The following MED13L variants were observed in gnomAD, a reference collection of about 807,000 sequenced individuals.
MED13L encodes the protein mediator of RNA polymerase II transcription subunit 13-like.
A neutral mutation model predicts 220.9 loss-of-function variants in MED13L; 7 were observed. The observed-to-expected ratio is 0.03, with a 90% CI of 0.02 to 0.06. MED13L has a LOEUF of 0.06. MED13L is among the 10% of genes least tolerant of loss of function. The pLI is 1.00. For synonymous variants in MED13L, 1,011 were observed against 1,015.2 expected, an observed-to-expected ratio of 1.00 and a Z score of 0.08; for missense variants, 1,965 against 2,760.5, an observed-to-expected ratio of 0.71 and a Z score of 6.46.
intron 2 of MED13L, among the ~76,000 whole-genome samples, chr12:116,206,161 A>ACCT (rs1348611239): frequency 7.4e-6 from 1 of 134,726 alleles, no homozygotes; most frequent in African/African-American, 2.9e-5. Context: ...GCTCACTGCG[A>ACCT]CCTCCTCCTC....
At chr12:116,212,433 T>C (rs1379773477) in intron 2 of MED13L, among the ~76,000 whole-genome samples, 10 of 151,690 alleles carry the variant, frequency 6.6e-5, no homozygotes, top group Admixed American at 2.0e-4. Flanking sequence ...TCAATAAATC[T>C]TCTGAGCATC....
At chr12:116,165,133 G>A (rs561270996) in intron 2 of MED13L, among the ~76,000 whole-genome samples, 8 of 152,096 alleles carry the variant, frequency 5.3e-5, no homozygotes, top group Admixed American at 2.0e-4. Context: ...GTAAAACTTC[G>A]GAAGAACTGA....
At chr12:116,186,119 ACCT>A (rs982769390) in intron 2 of MED13L, among the ~76,000 whole-genome samples, 8 of 152,074 alleles carry the variant, frequency 5.3e-5, no homozygotes, top group Admixed American at 3.9e-4. Context: ...TTGAAATACT[ACCT>A]CCTCCTCAAA....
intron 16 of MED13L, among the ~76,000 whole-genome samples, chr12:115,993,443 T>C (rs1414251972): frequency 6.6e-6 from 1 of 152,160 alleles, no homozygotes; most frequent in Non-Finnish European, 1.5e-5. Context: ...TTCAAATAAT[T>C]TCCTTGTGAT....
intron 2 of MED13L, among the ~76,000 whole-genome samples, chr12:116,203,930 T>C (rs981519557): frequency 2.0e-5 from 3 of 152,302 alleles, no homozygotes; most frequent in East Asian, 1.9e-4. Flanking sequence ...TAAAAACCCA[T>C]TGCACAAATA....
intron 4 of MED13L, among the ~76,000 whole-genome samples, chr12:116,045,274 T>C (rs2137559675): frequency 6.6e-6 from 1 of 152,316 alleles, no homozygotes; most frequent in Middle Eastern, 3.4e-3. Flanking sequence ...GCTTTTAATC[T>C]GGTCATCCCA....
rs772715909 is a variant in MED13L at position 116,009,028 on chromosome 12, G to A, written c.1385C>T (p.Pro462Leu). The change falls in exon 10 of 31, where the codon CCT becomes CTT. Residue 462 changes from proline (P) to leucine (L), a missense_variant. Physicochemically the swap from Pro to Leu is moderately conservative, Grantham distance 98. Coordinates refer to ENST00000281928, the MANE Select transcript of MED13L (RefSeq NM_015335.5). ...TGCTGTTTTGTGCTTAGAAGAAGCA[G>A]GAGGTGGTAAAGATGAAGATGATGA... ...GPSSSSSLPP[P>L]ASSKHKTAER... 1.1e-5 allele frequency: 18 copies of A among 1,613,972 alleles called. No homozygotes were observed. In the East Asian group the frequency reaches 2.0e-4, roughly 18 times the overall value.
At chr12:116,002,919 G>T in intron 14 of MED13L, 84 bp downstream of exon 14, 1 of 1,121,426 alleles carries the variant, frequency 8.9e-7, no homozygotes, top group Non-Finnish European at 1.4e-6. Flanking sequence ...TTCAGATAAA[G>T]ATAAAGCACC....
chr12:116,235,642 C>T (rs1010726774), intron 2 of MED13L, among the ~76,000 whole-genome samples: 4 of 152,140 alleles, frequency 2.6e-5, no homozygotes, highest in African/African-American at 9.7e-5. Context: ...TTAATTTACA[C>T]ATGCAATCTA....
chr12:116,038,163 C>T (rs1238358233), intron 4 of MED13L, among the ~76,000 whole-genome samples: 1 of 150,490 alleles, frequency 6.6e-6, no homozygotes, highest in African/African-American at 2.4e-5. Flanking sequence ...TTAAGACATG[C>T]TTGGAATTCT....
intron 2 of MED13L, among the ~76,000 whole-genome samples, chr12:116,134,283 C>G (rs1320830623): frequency 6.6e-6 from 1 of 152,244 alleles, no homozygotes. Context: ...AAGCAGTATA[C>G]TGAGAGACGA....
chr12:116,218,278 C>G (rs1474998846), intron 2 of MED13L, among the ~76,000 whole-genome samples: 1 of 152,004 alleles, frequency 6.6e-6, no homozygotes, highest in Non-Finnish European at 1.5e-5. Context: ...CAAGAATATC[C>G]AATAACCTTC....
intron 30 of MED13L, among the ~76,000 whole-genome samples, chr12:115,962,158 C>T (rs1174255705): frequency 6.6e-6 from 1 of 152,084 alleles, no homozygotes; most frequent in African/African-American, 2.4e-5. Flanking sequence ...TTGAGGTTCA[C>T]ATTGTATTTC....
At chr12:116,114,472 AC>A (rs1481769810) in intron 2 of MED13L, among the ~76,000 whole-genome samples, 1 of 152,198 alleles carries the variant, frequency 6.6e-6, no homozygotes, top group Admixed American at 6.5e-5. Flanking sequence ...TTAAAATAGA[AC>A]CCAGAAGAGA....
intron 2 of MED13L, among the ~76,000 whole-genome samples, chr12:116,127,478 A>G (rs973954436): frequency 1.3e-5 from 2 of 152,232 alleles, no homozygotes; most frequent in African/African-American, 2.4e-5. Context: ...AATTTTAAAT[A>G]TAAGTACCCC....
chr12:116,144,102 G>C (rs1358858406), intron 2 of MED13L, among the ~76,000 whole-genome samples: 1 of 152,168 alleles, frequency 6.6e-6, no homozygotes, highest in Non-Finnish European at 1.5e-5. Flanking sequence ...AAAGGATTCT[G>C]ACTGAGCTGA....
chr12:116,126,895 A>G lies in MED13L; in HGVS notation c.311-15383T>C, dbSNP rs187353625. 1.9e-3 allele frequency among the ~76,000 whole-genome samples: 288 copies of G among 152,314 alleles called. 1 individual carries two copies. Among genetic ancestry groups the G allele is most frequent in the Non-Finnish European group, 3.3e-3 (223 of 68,028 alleles). ...ACCCCTTCTAGTTACAAAACCCAGG[A>G]CCCAAACCAACACTGGTCAAGCATT... On this transcript the variant is annotated intron_variant, in intron 2 of 30. Transcript: ENST00000281928.
At chr12:116,166,319 G>A (rs955247531) in intron 2 of MED13L, among the ~76,000 whole-genome samples, 1 of 152,212 alleles carries the variant, frequency 6.6e-6, no homozygotes, top group African/African-American at 2.4e-5. Flanking sequence ...GGGGAAAGCA[G>A]ATCCACCCTT....
intron 3 of MED13L, among the ~76,000 whole-genome samples, chr12:116,100,054 T>C (rs1386506290): frequency 1.3e-5 from 2 of 152,162 alleles, no homozygotes; most frequent in Non-Finnish European, 2.9e-5. Context: ...CAGCAGAGAA[T>C]TGCATGAAGT....
Sources: gnomAD v4.1 joint callset for allele counts (sites outside exome capture counted in the v4.1 genomes callset) on GRCh38, gnomAD v4.1.1 for gene constraint, MANE v1.5 for transcripts, NCBI Gene and HGNC (gene_info 2026-07-23, HGNC 2026-07-21) for gene names.